The following MOB1A variants were observed in gnomAD, a reference collection of about 807,000 sequenced individuals.
The protein encoded by MOB1A is MOB1 Mps One Binder homolog A.
A neutral mutation model predicts 25.1 loss-of-function variants in MOB1A; 10 were observed. The observed-to-expected ratio is 0.40, with a 90% CI of 0.25 to 0.68. The LOEUF (loss-of-function observed/expected upper bound fraction) is 0.68, where lower values mean the gene tolerates loss of function less well. Among genes scored for constraint, MOB1A ranks in the 30% least tolerant of loss-of-function variants. The probability of loss-of-function intolerance (pLI) is 0.40; values close to 1 mark genes in which losing one functional copy is unlikely to be tolerated. For missense variants in MOB1A, 177 were observed against 256.3 expected, an observed-to-expected ratio of 0.69 and a Z score of 2.11; for synonymous variants, 81 against 79.5, an observed-to-expected ratio of 1.02 and a Z score of -0.10.
At chr2:74,176,964 G>A (rs1021135735) in intron 1 of MOB1A, among the ~76,000 whole-genome samples, 8 of 151,952 alleles carry the variant, frequency 5.3e-5, no homozygotes, top group African/African-American at 9.7e-5. Context: ...ATACATCCAC[G>A]CAAAAACCTG....
chr2:74,154,821 T>G lies in MOB1A; in HGVS notation c.*1747A>C, dbSNP rs1692758290. ...CTTTGGATAAGCTTAAAACATGGAT[T>G]GTGGAATGTCTAATAGAGGGCTTTT... On this transcript the variant is annotated 3_prime_UTR_variant, in exon 6 of 6. Transcript: ENST00000396049. 3 of 152,192 alleles carry G rather than the reference T, an allele frequency of 2.0e-5. No homozygotes were observed. The highest frequency in any genetic ancestry group is 2.0e-4 in the Admixed American group (3 of 15,282). The allele number at this position is 152,192 out of a possible 1,614,324, so 9.4% of individuals were successfully genotyped here. A position where few individuals can be genotyped will look rare whatever the true frequency, so the allele number is the denominator to read the frequency against.
rs1358627675 is a variant in MOB1A, at chr2:74,176,083, T to TAAACACACACAC, written c.14+2577_14+2578insGTGTGTGTGTTT. Among the ~76,000 whole-genome samples the TAAACACACACAC allele has an allele frequency of 1.9e-3, 242 of 129,314 alleles. 4 individuals are homozygous for TAAACACACACAC. The highest frequency in any genetic ancestry group is 7.0e-3 in the African/African-American group (228 of 32,576). 84.8% of individuals were successfully genotyped at this position (129,314 alleles called of 152,430 possible). A position where few individuals can be genotyped will look rare whatever the true frequency, so the allele number is the denominator to read the frequency against. Reference sequence around the variant, plus strand: ...CAACATAGTGAAACCCCGCCTCTACTACACACACACACACACACACACACA... The same window carrying TAAACACACACAC: ...CAACATAGTGAAACCCCGCCTCTACTAAACACACACACACACACACACACACACACACACACA... On this transcript the variant is annotated intron_variant, in intron 1 of 5. Transcript: ENST00000396049.
At chr2:74,170,704 G>A (rs1313692796) in intron 2 of MOB1A, among the ~76,000 whole-genome samples, 4 of 135,656 alleles carry the variant, frequency 2.9e-5, no homozygotes, top group African/African-American at 8.7e-5. Context: ...CAGCCTGTGC[G>A]ACAGAGCAAG....
intron 4 of MOB1A, 97 bp from the exon 5 acceptor site, chr2:74,159,351 G>T (rs1413003597): frequency 1.8e-6 from 2 of 1,111,626 alleles, no homozygotes; most frequent in African/African-American, 1.6e-5. Context: ...TCAGGCAGTG[G>T]TGCAATCTCA....
In MOB1A at chr2:74,152,623, C is replaced by A. The variant is rs915196502; in HGVS notation, c.*3945G>T. ...TTGCTTTCAATATATTTTATTCTGACGAAGTTACAAAAGTAGATACAAAAT... is the reference window on the plus strand; with the variant it reads ...TTGCTTTCAATATATTTTATTCTGAAGAAGTTACAAAAGTAGATACAAAAT... On this transcript the variant is annotated 3_prime_UTR_variant, in exon 6 of 6. Coordinates refer to ENST00000396049, the MANE Select transcript of MOB1A (RefSeq NM_018221.5). The A allele has an allele frequency of 6.6e-6, 1 of 151,960 alleles. No individual in the cohort carries two copies. The highest frequency in any genetic ancestry group is 6.6e-5 in the Admixed American group (1 of 15,240). 9.4% of individuals were successfully genotyped at this position (151,960 alleles called of 1,614,324 possible).
chr2:74,174,282 A>AAAG (rs1693389000), intron 1 of MOB1A, among the ~76,000 whole-genome samples: 2 of 151,430 alleles, frequency 1.3e-5, no homozygotes, highest in South Asian at 2.1e-4. Context: ...AAAAAAAAAA[A>AAAG]AAAGAAAAGA....
In MOB1A at chr2:74,153,807, A is replaced by T. The variant is rs548830570; in HGVS notation, c.*2761T>A. 6.6e-6 allele frequency: 1 copy of T among 152,312 alleles called. No homozygotes were observed. The highest frequency in any genetic ancestry group is 2.4e-5 in the African/African-American group (1 of 41,562). The allele number at this position is 152,312 out of a possible 1,614,324, so 9.4% of individuals were successfully genotyped here. Reference sequence around the variant, plus strand: ...CTGATTAGCAAGGGGGAAGGGAGTGAGTGTTATGGAACAGGCAAACCTTGG... The same window carrying T: ...CTGATTAGCAAGGGGGAAGGGAGTGTGTGTTATGGAACAGGCAAACCTTGG... On this transcript the variant is annotated 3_prime_UTR_variant, in exon 6 of 6. Transcript: ENST00000396049.
chr2:74,168,910 A>T (rs1220250098), intron 2 of MOB1A, among the ~76,000 whole-genome samples: 1 of 152,204 alleles, frequency 6.6e-6, no homozygotes, highest in African/African-American at 2.4e-5. Flanking sequence ...GTGGTCCAGG[A>T]ATCCCCTATC....
chr2:74,177,679 A>C (rs1404677416), intron 1 of MOB1A, among the ~76,000 whole-genome samples: 1 of 151,920 alleles, frequency 6.6e-6, no homozygotes, highest in Non-Finnish European at 1.5e-5. Context: ...TAAAAAAAAA[A>C]CTATATAGTG....
At chr2:74,176,136 C>T (rs78832756) in intron 1 of MOB1A, among the ~76,000 whole-genome samples, 21,716 of 143,078 alleles carry the variant, frequency 0.15, 1,927 homozygotes, top group East Asian at 0.38. Context: ...ACTAGCCGGG[C>T]GTGGTGGCAA....
chr2:74,155,995 T>C lies in MOB1A; in HGVS notation c.*573A>G, dbSNP rs956727868. On this transcript the variant is annotated 3_prime_UTR_variant, in exon 6 of 6. Coordinates refer to ENST00000396049, the MANE Select transcript of MOB1A (RefSeq NM_018221.5). ...ACTGCAATCATGAATTTTGAAAAAATAGACGTATCTTATCTATAAAAACAC... is the reference window on the plus strand; with the variant it reads ...ACTGCAATCATGAATTTTGAAAAAACAGACGTATCTTATCTATAAAAACAC... 4 of 152,542 alleles carry C rather than the reference T, an allele frequency of 2.6e-5. No individual in the cohort carries two copies. The highest frequency in any genetic ancestry group is 5.9e-5 in the Non-Finnish European group (4 of 67,986). 9.4% of individuals were successfully genotyped at this position (152,542 alleles called of 1,614,324 possible).
chr2:74,160,238 T>G (rs77550909), intron 4 of MOB1A, among the ~76,000 whole-genome samples: 4,732 of 152,240 alleles, frequency 0.031, 237 homozygotes, highest in African/African-American at 0.11. Flanking sequence ...ATCCAGCACG[T>G]TGAGAGGCCG....
intron 1 of MOB1A, 107 bp from the exon 2 acceptor site, chr2:74,172,859 A>C (rs776589985): frequency 1.9e-5 from 23 of 1,214,658 alleles, no homozygotes. Context: ...TAAAATAAAA[A>C]ATACTCTCTG....
At position 74,178,804 on chromosome 2, in the gene MOB1A, G is replaced by C; in HGVS notation, c.-130C>G. On this transcript the variant is annotated 5_prime_UTR_variant, in exon 1 of 6. Transcript: ENST00000396049. ...GCCGGGCCGCCGCCGCTCGGAGCCGGGTTTCTGGCCGCTGCGAGCCTTTGC... is the reference window on the plus strand; with the variant it reads ...GCCGGGCCGCCGCCGCTCGGAGCCGCGTTTCTGGCCGCTGCGAGCCTTTGC... 4.3e-6 allele frequency: 2 copies of C among 470,488 alleles called. No individual in the cohort carries two copies. The highest frequency in any genetic ancestry group is 6.6e-6 in the Non-Finnish European group (2 of 301,316). 29.1% of individuals were successfully genotyped at this position (470,488 alleles called of 1,614,324 possible). A position where few individuals can be genotyped will look rare whatever the true frequency, so the allele number is the denominator to read the frequency against.
At chr2:74,161,039 G>A (rs926689244) in intron 4 of MOB1A, among the ~76,000 whole-genome samples, 8 of 152,054 alleles carry the variant, frequency 5.3e-5, no homozygotes, top group Admixed American at 3.3e-4. Flanking sequence ...CAGTCTGGGC[G>A]GCAGAGTGAG....
chr2:74,169,848 C>G (rs140493271), intron 2 of MOB1A, among the ~76,000 whole-genome samples: 1 of 152,122 alleles, frequency 6.6e-6, no homozygotes, highest in South Asian at 2.1e-4. Context: ...AGGCTGGTCT[C>G]GAACTCCTGA....
At chr2:74,160,706 AAAAAG>A (rs1558831971) in intron 4 of MOB1A, among the ~76,000 whole-genome samples, 1 of 151,640 alleles carries the variant, frequency 6.6e-6, no homozygotes, top group Non-Finnish European at 1.5e-5. Context: ...TCTCAAAAAA[AAAAAG>A]AAATCTCTTT....
At chr2:74,165,697 G>T (rs1285796937) in intron 3 of MOB1A, among the ~76,000 whole-genome samples, 2 of 152,156 alleles carry the variant, frequency 1.3e-5, no homozygotes, top group Non-Finnish European at 2.9e-5. Context: ...ATTCTTCTGA[G>T]ATTCTTGGTC....
rs1174306394 is a variant in MOB1A at position 74,154,701 on chromosome 2, T to G, written c.*1867A>C. On this transcript the variant is annotated 3_prime_UTR_variant, in exon 6 of 6. Transcript: ENST00000396049. ...AAAGTAAAGCTAACAGGGTTTAAAG[T>G]TGAGAGGCAGTTCACATCCTAAGTG... 6.6e-6 allele frequency: 1 copy of G among 152,250 alleles called. No individual in the cohort carries two copies. Among genetic ancestry groups the G allele is most frequent in the African/African-American group, 2.4e-5 (1 of 41,470 alleles). The allele number at this position is 152,250 out of a possible 1,614,324, so 9.4% of individuals were successfully genotyped here.
Sources: allele counts gnomAD v4.1 joint callset (sites outside exome capture counted in the v4.1 genomes callset), GRCh38; gene constraint gnomAD v4.1.1; transcripts MANE v1.5; gene names NCBI Gene and HGNC (gene_info 2026-07-23, HGNC 2026-07-21).